Variants in KLHL1 observed in about 807,000 individuals in gnomAD.
The protein encoded by KLHL1 is kelch-like protein 1.
Under a neutral mutation model 77.7 loss-of-function variants are expected in KLHL1, and 47 were observed. The observed-to-expected ratio is 0.60, with a 90% CI of 0.48 to 0.77. The LOEUF (loss-of-function observed/expected upper bound fraction) is 0.77. KLHL1 is among the 30% of genes least tolerant of loss of function. The pLI, the probability that KLHL1 is intolerant of heterozygous loss-of-function variation, is 0.00. For synonymous variants in KLHL1, 360 were observed against 325.2 expected (o/e 1.11, Z -1.15); for missense variants, 925 against 910.8 (o/e 1.02, Z -0.20).
At chr13:69,817,755 T>C (rs1878177561) in intron 6 of KLHL1, among the ~76,000 whole-genome samples, 1 of 152,188 alleles carries the variant, frequency 6.6e-6, no homozygotes, top group African/African-American at 2.4e-5. Context: ...TTTATTATCA[T>C]TTGCTGTACA....
At chr13:70,096,330 T>C (rs902417890) in intron 1 of KLHL1, among the ~76,000 whole-genome samples, 2 of 152,108 alleles carry the variant, frequency 1.3e-5, no homozygotes, top group Non-Finnish European at 2.9e-5. Flanking sequence ...AGGGCTCCCC[T>C]TTCTCTGCAT....
At chr13:69,944,737 C>A (rs758237166) in intron 3 of KLHL1, among the ~76,000 whole-genome samples, 10 of 152,090 alleles carry the variant, frequency 6.6e-5, no homozygotes, top group Non-Finnish European at 1.3e-4. Flanking sequence ...TATGGAAATA[C>A]ACGGACCTAT....
At chr13:70,043,051 G>T (rs1304282865) in intron 1 of KLHL1, among the ~76,000 whole-genome samples, 1 of 152,220 alleles carries the variant, frequency 6.6e-6, no homozygotes. Context: ...GATTATAGGC[G>T]TGAGCCACCA....
At chr13:69,933,411 T>G (rs1012036922) in intron 4 of KLHL1, among the ~76,000 whole-genome samples, 6 of 152,174 alleles carry the variant, frequency 3.9e-5, no homozygotes, top group African/African-American at 1.4e-4. Context: ...AAACTCTAAT[T>G]TATGGTTTAT....
At position 69,830,535 on chromosome 13, in the gene KLHL1, G is replaced by A. The variant is rs1031443779; in HGVS notation, c.1414+8441C>T. ...AATACTCCACTGACAGCACTAGACC[G>A]TCATCAAGACAGAAAGTCAACAAAG... On this transcript the variant is annotated intron_variant, in intron 6 of 10. Coordinates refer to ENST00000377844, the MANE Select transcript of KLHL1 (RefSeq NM_020866.3). Among the ~76,000 whole-genome samples, 39 of 150,010 alleles carry A rather than the reference G, an allele frequency of 2.6e-4. 2 individuals carry two copies. Among genetic ancestry groups the A allele is most frequent in the African/African-American group, 5.5e-4 (22 of 39,986 alleles).
At chr13:70,098,207 T>A (rs1887839766) in intron 1 of KLHL1, among the ~76,000 whole-genome samples, 1 of 149,716 alleles carries the variant, frequency 6.7e-6, no homozygotes, top group Non-Finnish European at 1.5e-5. Context: ...ATTATCTCAA[T>A]AAATATTCAG....
In KLHL1 at chr13:70,073,110, T is replaced by C. The variant is rs566915035; in HGVS notation, c.497+34093A>G. Reference sequence around the variant, plus strand: ...ATGCTGCTATAAAGACACATGCACATGTATGTTTATTGCAGCACTATTCAC... The same window carrying C: ...ATGCTGCTATAAAGACACATGCACACGTATGTTTATTGCAGCACTATTCAC... On this transcript the variant is annotated intron_variant, in intron 1 of 10. Coordinates refer to ENST00000377844, the MANE Select transcript of KLHL1 (RefSeq NM_020866.3). 1.8e-3 allele frequency among the ~76,000 whole-genome samples: 269 copies of C among 152,238 alleles called. 4 individuals are homozygous for C. The highest frequency in any genetic ancestry group is 5.7e-3 in the African/African-American group (235 of 41,516).
intron 1 of KLHL1, among the ~76,000 whole-genome samples, chr13:70,032,325 T>C (rs1196651342): frequency 6.6e-6 from 1 of 152,172 alleles, no homozygotes; most frequent in Non-Finnish European, 1.5e-5. Flanking sequence ...TCCTTCAGTA[T>C]AAAGAAGAGA....
intron 2 of KLHL1, among the ~76,000 whole-genome samples, chr13:69,962,567 A>G (rs1884097683): frequency 6.6e-6 from 1 of 152,068 alleles, no homozygotes. Context: ...TGCCTGCTGA[A>G]TATACTTGGA....
chr13:69,799,940 T>A (rs1877301401), intron 6 of KLHL1, among the ~76,000 whole-genome samples: 1 of 152,166 alleles, frequency 6.6e-6, no homozygotes, highest in Non-Finnish European at 1.5e-5. Context: ...TATTGTGAAC[T>A]GTGCATGGGA....
chr13:69,865,885 G>A (rs987888954), intron 5 of KLHL1, among the ~76,000 whole-genome samples: 20 of 151,932 alleles, frequency 1.3e-4, no homozygotes, highest in African/African-American at 3.9e-4. Context: ...TATATTTCAG[G>A]CGTAATTTAT....
intron 9 of KLHL1, among the ~76,000 whole-genome samples, chr13:69,717,261 T>G (rs1872808564): frequency 6.6e-6 from 1 of 152,154 alleles, no homozygotes; most frequent in African/African-American, 2.4e-5. Context: ...CCTATGATTA[T>G]ATACTACAGA....
intron 4 of KLHL1, among the ~76,000 whole-genome samples, chr13:69,939,662 A>G (rs1883304892): frequency 6.6e-6 from 1 of 151,966 alleles, no homozygotes; most frequent in Admixed American, 6.6e-5. Context: ...GCCATAAAGA[A>G]GCTTCCTGAA....
In KLHL1 at chr13:69,837,646, GTA is replaced by G. The variant is rs34615852; in HGVS notation, c.1414+1328_1414+1329del. Among the ~76,000 whole-genome samples the G allele has an allele frequency of 4.5e-4, 58 of 128,058 alleles. 1 individual carries two copies. Among genetic ancestry groups the G allele is most frequent in the South Asian group, 2.5e-3 (11 of 4,442 alleles). The allele number at this position is 128,058 out of a possible 152,430, so 84.0% of individuals were successfully genotyped here. On this transcript the variant is annotated intron_variant, in intron 6 of 10. Transcript: ENST00000377844. The stretch of plus-strand genomic sequence containing the variant: ...TATGTGTGTGTATATATATATATGT[GTA>G]TATATATATGTGTGTGTGTGTGTAT...
chr13:69,951,008 A>G (rs1189278276), intron 3 of KLHL1, among the ~76,000 whole-genome samples: 1 of 151,734 alleles, frequency 6.6e-6, no homozygotes, highest in Admixed American at 6.6e-5. Flanking sequence ...TATTTGTCTC[A>G]GATTTTAATA....
chr13:69,983,607 A>AAAAAG (rs1884780175), intron 1 of KLHL1, among the ~76,000 whole-genome samples: 1 of 110,384 alleles, frequency 9.1e-6, no homozygotes, highest in African/African-American at 5.7e-5. Flanking sequence ...AGAAGAAGAG[A>AAAAAG]AAAAAAAAAA....
intron 4 of KLHL1, among the ~76,000 whole-genome samples, chr13:69,929,932 C>T (rs1882946447): frequency 6.6e-6 from 1 of 151,740 alleles, no homozygotes; most frequent in South Asian, 2.1e-4. Context: ...ATATTGAAGG[C>T]TACTATTGAA....
chr13:70,101,118 T>C (rs1214816429), intron 1 of KLHL1, among the ~76,000 whole-genome samples: 1 of 152,180 alleles, frequency 6.6e-6, no homozygotes, highest in Non-Finnish European at 1.5e-5. Flanking sequence ...CTGATTAATA[T>C]TATATTCTAT....
intron 6 of KLHL1, among the ~76,000 whole-genome samples, chr13:69,824,372 G>A (rs1878462603): frequency 6.6e-6 from 1 of 151,962 alleles, no homozygotes; most frequent in Non-Finnish European, 1.5e-5. Context: ...CAAAAAGTAA[G>A]ATGATATTTT....
Sources: allele counts gnomAD v4.1 joint callset (sites outside exome capture counted in the v4.1 genomes callset), GRCh38; gene constraint gnomAD v4.1.1; transcripts MANE v1.5; gene names NCBI Gene and HGNC (gene_info 2026-07-23, HGNC 2026-07-21).